The following BRINP3 variants were observed in gnomAD, a reference collection of about 807,000 sequenced individuals.
The protein encoded by BRINP3 is BMP/retinoic acid-inducible neural-specific protein 3.
In BRINP3, 19 loss-of-function variants were observed where a neutral mutation model predicts 71.0. The observed-to-expected ratio is 0.27, with a 90% CI of 0.19 to 0.39. BRINP3 has a LOEUF of 0.39. BRINP3 is among the 10% of genes least tolerant of loss of function. The probability of loss-of-function intolerance (pLI) is 1.00; values close to 1 mark genes in which losing one functional copy is unlikely to be tolerated. For missense variants in BRINP3, 959 were observed against 940.8 expected, an observed-to-expected ratio of 1.02 and a Z score of -0.25; for synonymous variants, 380 against 337.7, an observed-to-expected ratio of 1.13 and a Z score of -1.37.
In BRINP3 at chr1:190,204,493, C is replaced by T. The variant is rs148034266; in HGVS notation, c.961+21589G>A. Among the ~76,000 whole-genome samples, 50 of 151,472 alleles carry T rather than the reference C, an allele frequency of 3.3e-4. No individual in the cohort carries two copies. In the East Asian group the frequency reaches 9.4e-3, roughly 28 times the overall value. ...TATGTGTAGCTTCAGAGGTTAAAGC[C>T]GACATGAGTGGATGGAAACCTAGGA... On this transcript the variant is annotated intron_variant, in intron 6 of 7. Transcript: ENST00000367462.
intron 2 of BRINP3, among the ~76,000 whole-genome samples, chr1:190,348,312 C>A (rs566447910): frequency 7.9e-5 from 12 of 152,202 alleles, no homozygotes; most frequent in African/African-American, 2.9e-4. Flanking sequence ...TTGAACTCTG[C>A]AAATTGAGTG....
intron 6 of BRINP3, among the ~76,000 whole-genome samples, chr1:190,186,182 C>T (rs1653503344): frequency 1.3e-5 from 2 of 151,946 alleles, no homozygotes; most frequent in South Asian, 4.2e-4. Context: ...TTAACATCAG[C>T]CTGGCCAACA....
Position 190,454,651 on chromosome 1 carries a change from A to T in BRINP3, c.236+4T>A. The stretch of plus-strand genomic sequence containing the variant: ...TCTGTAATTGCTTTCCCTTTGCTTC[A>T]TACCTGTATATCTTGTATCTTGTGC... On this transcript the variant is annotated splice_donor_region_variant and intron_variant, in intron 2 of 7. Transcript: ENST00000367462. 6.2e-7 allele frequency: 1 copy of T among 1,610,848 alleles called. No individual in the cohort carries two copies. Among genetic ancestry groups the T allele is most frequent in the Non-Finnish European group, 8.5e-7 (1 of 1,177,488 alleles).
intron 7 of BRINP3, among the ~76,000 whole-genome samples, chr1:190,135,611 T>C (rs1260357064): frequency 6.6e-6 from 1 of 152,126 alleles, no homozygotes; most frequent in Non-Finnish European, 1.5e-5. Context: ...TGTTTGTTTT[T>C]AATAAAATTA....
chr1:190,379,823 C>A (rs887719054), intron 2 of BRINP3, among the ~76,000 whole-genome samples: 9 of 151,648 alleles, frequency 5.9e-5, no homozygotes, highest in South Asian at 2.1e-4. Context: ...CATGGTGAAA[C>A]CCCATCTCTA....
chr1:190,107,934 A>G (rs1333520964), intron 7 of BRINP3, among the ~76,000 whole-genome samples: 1 of 152,070 alleles, frequency 6.6e-6, no homozygotes, highest in Non-Finnish European at 1.5e-5. Context: ...TGTGACTGCT[A>G]TGTCATCAAA....
chr1:190,401,567 GC>G (rs1393641896), intron 2 of BRINP3, among the ~76,000 whole-genome samples: 3 of 151,902 alleles, frequency 2.0e-5, no homozygotes, highest in Admixed American at 6.6e-5. Context: ...GCAAATTCTT[GC>G]CACATTGCAG....
At chr1:190,147,498 CAAAT>C (rs1448954409) in intron 7 of BRINP3, among the ~76,000 whole-genome samples, 1 of 152,088 alleles carries the variant, frequency 6.6e-6, no homozygotes, top group African/African-American at 2.4e-5. Flanking sequence ...GTTTTCCTCT[CAAAT>C]AAAATATCAA....
intron 6 of BRINP3, among the ~76,000 whole-genome samples, chr1:190,199,461 C>G (rs957263459): frequency 5.3e-5 from 8 of 152,074 alleles, no homozygotes; most frequent in African/African-American, 9.7e-5. Context: ...TAGACCAGAA[C>G]ATTTTACCTC....
intron 6 of BRINP3, among the ~76,000 whole-genome samples, chr1:190,194,047 G>A (rs1457976251): frequency 1.3e-5 from 2 of 152,034 alleles, no homozygotes; most frequent in African/African-American, 2.4e-5. Context: ...AGCTTTCCTT[G>A]TCTAAGTTGT....
chr1:190,291,812 C>T (rs564358293), intron 2 of BRINP3, among the ~76,000 whole-genome samples: 3 of 152,176 alleles, frequency 2.0e-5, no homozygotes, highest in East Asian at 1.9e-4. Flanking sequence ...GGTATATATA[C>T]GTATTTATAT....
At chr1:190,139,864 G>A (rs1377065958) in intron 7 of BRINP3, among the ~76,000 whole-genome samples, 1 of 152,294 alleles carries the variant, frequency 6.6e-6, no homozygotes, top group East Asian at 1.9e-4. Flanking sequence ...TACTCATTAT[G>A]TTAAGTCAAG....
intron 3 of BRINP3, among the ~76,000 whole-genome samples, chr1:190,269,204 G>A (rs1025310132): frequency 4.6e-5 from 7 of 152,058 alleles, no homozygotes; most frequent in Non-Finnish European, 1.0e-4. Flanking sequence ...AATTCCTTGG[G>A]AAAAGATAGA....
chr1:190,286,688 A>G lies in BRINP3; in HGVS notation c.237-4938T>C, dbSNP rs113987054. Among the ~76,000 whole-genome samples, 541 of 152,282 alleles carry G rather than the reference A, an allele frequency of 3.6e-3. 5 individuals carry two copies. The highest frequency in any genetic ancestry group is 0.012 in the African/African-American group (503 of 41,554). Reference sequence around the variant, plus strand: ...TATTTGTTGGCTAGTAATTTTATCAATAACCATTAAAATTTTCAGACACAA... The same window carrying G: ...TATTTGTTGGCTAGTAATTTTATCAGTAACCATTAAAATTTTCAGACACAA... On this transcript the variant is annotated intron_variant, in intron 2 of 7. Coordinates refer to ENST00000367462, the MANE Select transcript of BRINP3 (RefSeq NM_199051.3).
intron 6 of BRINP3, among the ~76,000 whole-genome samples, chr1:190,164,438 T>A (rs933159345): frequency 6.6e-6 from 1 of 152,130 alleles, no homozygotes; most frequent in Admixed American, 6.6e-5. Flanking sequence ...AAGAGGAAAC[T>A]TGTGCTTGCT....
intron 7 of BRINP3, among the ~76,000 whole-genome samples, chr1:190,112,202 G>A (rs553331033): frequency 4.5e-4 from 69 of 152,284 alleles, no homozygotes; most frequent in Non-Finnish European, 7.5e-4. Context: ...GGTTATACAT[G>A]AAAGCTTTTT....
chr1:190,250,455 T>A (rs1274206645), intron 4 of BRINP3, among the ~76,000 whole-genome samples: 2 of 152,048 alleles, frequency 1.3e-5, no homozygotes, highest in Non-Finnish European at 2.9e-5. Context: ...TTACTCCAGC[T>A]TGCTGTAGTA....
chr1:190,185,919 T>C (rs1399024831), intron 6 of BRINP3, among the ~76,000 whole-genome samples: 1 of 152,104 alleles, frequency 6.6e-6, no homozygotes, highest in Admixed American at 6.6e-5. Context: ...TATATATTAC[T>C]GAATGTTCCC....
chr1:190,466,486 TA>T (rs1253382207), intron 1 of BRINP3, among the ~76,000 whole-genome samples: 1 of 151,820 alleles, frequency 6.6e-6, no homozygotes, highest in Non-Finnish European at 1.5e-5. Flanking sequence ...TAAAACTTTT[TA>T]CTAAGATAAA....
Sources: gnomAD v4.1 joint callset for allele counts (sites outside exome capture counted in the v4.1 genomes callset) on GRCh38, gnomAD v4.1.1 for gene constraint, MANE v1.5 for transcripts, NCBI Gene and HGNC (gene_info 2026-07-23, HGNC 2026-07-21) for gene names.